EXOC6: variants seen among roughly 807,000 people sequenced by gnomAD.
EXOC6 encodes the protein SEC15-like 1.
In EXOC6, 60 loss-of-function variants were observed where a neutral mutation model predicts 112.5. The observed-to-expected ratio is 0.53, with a 90% CI of 0.43 to 0.66. The LOEUF (loss-of-function observed/expected upper bound fraction) is 0.66. Among genes scored for constraint, EXOC6 ranks in the 30% least tolerant of loss-of-function variants. The probability of loss-of-function intolerance (pLI) is 0.00; values close to 1 mark genes in which losing one functional copy is unlikely to be tolerated. For missense variants in EXOC6, 855 were observed against 957.1 expected (o/e 0.89, Z 1.41); for synonymous variants, 295 against 308.0 (o/e 0.96, Z 0.44).
At chr10:93,057,862 G>T (rs980581311) in intron 21 of EXOC6, among the ~76,000 whole-genome samples, 4 of 152,060 alleles carry the variant, frequency 2.6e-5, no homozygotes, top group African/African-American at 9.7e-5. Flanking sequence ...ATTTTCTAAT[G>T]TTATTTTCCT....
At chr10:92,846,122 G>A (rs1473799600), upstream of EXOC6, among the ~76,000 whole-genome samples, 1 of 152,184 alleles carries the variant, frequency 6.6e-6, no homozygotes, top group Admixed American at 6.5e-5. Flanking sequence ...CTTGAATTTC[G>A]GGGAAGATAC....
chr10:92,971,450 C>G (rs1267781806), intron 17 of EXOC6, among the ~76,000 whole-genome samples: 1 of 151,752 alleles, frequency 6.6e-6, no homozygotes, highest in African/African-American at 2.4e-5. Context: ...TCTTGGCTCA[C>G]TGTAACCTCA....
chr10:92,846,931 AG>A (rs1283630973), upstream of EXOC6, among the ~76,000 whole-genome samples: 1 of 152,218 alleles, frequency 6.6e-6, no homozygotes, highest in East Asian at 1.9e-4. Context: ...TCAGAGTCAG[AG>A]GAAGATGTGA....
chr10:92,948,068 A>T (rs1445169325), intron 13 of EXOC6, among the ~76,000 whole-genome samples: 1 of 152,182 alleles, frequency 6.6e-6, no homozygotes, highest in African/African-American at 2.4e-5. Context: ...TGGAAAAAGG[A>T]GATTGTACCT....
intron 14 of EXOC6, among the ~76,000 whole-genome samples, chr10:92,951,536 G>A (rs1225092219): frequency 1.3e-5 from 2 of 152,158 alleles, no homozygotes; most frequent in Non-Finnish European, 2.9e-5. Context: ...TGAGATCACT[G>A]GTGATCTTGG....
At chr10:92,990,411 C>T (rs891403277) in intron 18 of EXOC6, among the ~76,000 whole-genome samples, 3 of 152,080 alleles carry the variant, frequency 2.0e-5, no homozygotes, top group African/African-American at 4.8e-5. Flanking sequence ...GAATTGCCCT[C>T]GGTCAGGGCT....
chr10:93,009,971 G>A (rs1325061813), intron 19 of EXOC6, among the ~76,000 whole-genome samples: 3 of 152,214 alleles, frequency 2.0e-5, no homozygotes, highest in African/African-American at 7.2e-5. Flanking sequence ...CAGAAGCAGG[G>A]AGATCAGATA....
intron 20 of EXOC6, among the ~76,000 whole-genome samples, chr10:93,026,801 G>A (rs531471128): frequency 3.0e-4 from 46 of 152,140 alleles, no homozygotes; most frequent in African/African-American, 6.7e-4. Context: ...AGCTGTTCCC[G>A]TCTCTTCCTC....
At chr10:92,944,785 T>G (rs1852879863) in intron 13 of EXOC6, among the ~76,000 whole-genome samples, 1 of 151,076 alleles carries the variant, frequency 6.6e-6, no homozygotes, top group Admixed American at 6.6e-5. Context: ...TTTTTTTTTT[T>G]TTTTGAGACA....
intron 1 of EXOC6, among the ~76,000 whole-genome samples, chr10:92,829,085 C>A (rs76335177): frequency 8.7e-4 from 132 of 152,232 alleles, no homozygotes; most frequent in African/African-American, 3.1e-3. Context: ...GGAAAGGCCA[C>A]CTGGGACTAA....
intron 7 of EXOC6, among the ~76,000 whole-genome samples, chr10:92,916,761 CAAAT>C (rs780758994): frequency 7.2e-4 from 109 of 152,188 alleles, no homozygotes; most frequent in Middle Eastern, 3.4e-3. Flanking sequence ...TGTTTATTCT[CAAAT>C]AAATTTTTTT....
chr10:93,012,522 C>G (rs949117277), intron 19 of EXOC6, among the ~76,000 whole-genome samples: 2 of 152,074 alleles, frequency 1.3e-5, no homozygotes, highest in Admixed American at 6.6e-5. Flanking sequence ...ATGCTTAAAG[C>G]AAAAATTATA....
At chr10:92,906,737 A>C (rs1043566646) in intron 5 of EXOC6, among the ~76,000 whole-genome samples, 2 of 152,212 alleles carry the variant, frequency 1.3e-5, no homozygotes, top group Non-Finnish European at 2.9e-5. Flanking sequence ...ATTGTTGAAT[A>C]GAGTATGAGC....
chr10:92,933,800 G>A (rs1852194964), intron 9 of EXOC6, among the ~76,000 whole-genome samples: 1 of 152,098 alleles, frequency 6.6e-6, no homozygotes, highest in Non-Finnish European at 1.5e-5. Flanking sequence ...CATTCTGGCA[G>A]CTGGACATTC....
intron 6 of EXOC6, among the ~76,000 whole-genome samples, chr10:92,913,391 T>C (rs557130991): frequency 1.8e-4 from 27 of 152,336 alleles, no homozygotes; most frequent in South Asian, 6.2e-4. Flanking sequence ...TGTCCTAAAA[T>C]GCAGATAAGA....
intron 4 of EXOC6, among the ~76,000 whole-genome samples, chr10:92,897,531 A>C (rs1399719971): frequency 1.3e-5 from 2 of 152,144 alleles, no homozygotes; most frequent in African/African-American, 2.4e-5. Flanking sequence ...CCTGCCTCCT[A>C]TTTTCCTCCT....
At chr10:92,857,696 A>G (rs532945867) in intron 1 of EXOC6, among the ~76,000 whole-genome samples, 3 of 152,292 alleles carry the variant, frequency 2.0e-5, no homozygotes, top group South Asian at 2.1e-4. Context: ...GTTTTATGCA[A>G]CTGCTTCCAC....
rs1048488074 is a variant in EXOC6, at chr10:92,876,212, A to C, written c.102-17137A>C. ...TTTTGTGTGAAATTTTATGAAAAAT[A>C]ATATTAAATCTAAAATAATTTCTTA... On this transcript the variant is annotated intron_variant, in intron 1 of 21. Transcript: ENST00000260762. 5.3e-5 allele frequency among the ~76,000 whole-genome samples: 8 copies of C among 152,344 alleles called. No homozygotes were observed. In the South Asian group the frequency reaches 6.2e-4, roughly 12 times the overall value.
intron 1 of EXOC6, among the ~76,000 whole-genome samples, chr10:92,884,640 A>G (rs914918704): frequency 6.6e-6 from 1 of 152,232 alleles, no homozygotes; most frequent in African/African-American, 2.4e-5. Context: ...CTTTGAGATT[A>G]TATCAGATTT....
Sources: allele counts gnomAD v4.1 joint callset (sites outside exome capture counted in the v4.1 genomes callset), GRCh38; gene constraint gnomAD v4.1.1; transcripts MANE v1.5; gene names NCBI Gene and HGNC (gene_info 2026-07-23, HGNC 2026-07-21).